AKAP6: variants seen among roughly 807,000 people sequenced by gnomAD.
The protein encoded by AKAP6 is A-kinase anchor protein 6.
In AKAP6, 58 loss-of-function variants were observed where a neutral mutation model predicts 188.5. That is an observed-to-expected ratio of 0.31 (90% CI 0.25 to 0.38). The LOEUF (loss-of-function observed/expected upper bound fraction) is 0.38, where lower values mean the gene tolerates loss of function less well. Ranked by LOEUF, AKAP6 falls within the 10% of genes least tolerant of loss-of-function variation. The pLI, the probability that AKAP6 is intolerant of heterozygous loss-of-function variation, is 1.00. For synonymous variants in AKAP6, 989 were observed against 998.6 expected (o/e 0.99, Z 0.18); for missense variants, 2,710 against 2,740.0 (o/e 0.99, Z 0.24).
At chr14:32,351,587 A>G (rs1887271600) in intron 1 of AKAP6, among the ~76,000 whole-genome samples, 1 of 151,610 alleles carries the variant, frequency 6.6e-6, no homozygotes, top group African/African-American at 2.4e-5. Context: ...CAAAAACATT[A>G]TTACCTGCTG....
chr14:32,588,894 C>A (rs543195450), intron 5 of AKAP6, among the ~76,000 whole-genome samples: 2 of 152,236 alleles, frequency 1.3e-5, no homozygotes, highest in East Asian at 3.9e-4. Flanking sequence ...ATAAGAAAAA[C>A]CAATATACTT....
intron 2 of AKAP6, among the ~76,000 whole-genome samples, chr14:32,446,665 AT>A (rs566425868): frequency 1.3e-5 from 2 of 151,544 alleles, no homozygotes; most frequent in African/African-American, 2.4e-5. Flanking sequence ...ACAAGCAACT[AT>A]TTTTTTTGTC....
rs1453148532 is a variant in AKAP6, at chr14:32,546,822, T to G, written c.2169T>G (p.Asp723Glu). 1 of 1,614,088 alleles carries G rather than the reference T, an allele frequency of 6.2e-7. No homozygotes were observed. Among genetic ancestry groups the G allele is most frequent in the South Asian group, 1.1e-5 (1 of 91,078 alleles). Residue 723 changes from aspartate (D) to glutamate (E), a missense_variant, in exon 4 of 14, where the codon GAT becomes GAG. Asp to Glu is a conservative substitution (Grantham distance 45). This residue lies in a region of AKAP6 where 2,473 missense variants were observed against 2,426.1 expected (regional missense o/e 1.02). Coordinates refer to ENST00000280979, the MANE Select transcript of AKAP6 (RefSeq NM_004274.5). ...GGCCCCTGAGTGACATTCTTTCTGA[T>G]GAGGAGTCCAGTATGCCTCTCGCTG... Reference protein sequence around the residue: ...ESGPLSDILSDEESSMPLAGM... With the variant: ...ESGPLSDILSEEESSMPLAGM...
chr14:32,677,745 A>G (rs184580403), intron 7 of AKAP6, among the ~76,000 whole-genome samples: 115 of 152,360 alleles, frequency 7.5e-4, no homozygotes, highest in African/African-American at 2.4e-3. Context: ...GAAAGATGTA[A>G]CAATTCAAAC....
At chr14:32,556,887 G>A (rs984232223) in intron 4 of AKAP6, among the ~76,000 whole-genome samples, 6 of 151,200 alleles carry the variant, frequency 4.0e-5, no homozygotes, top group Non-Finnish European at 7.4e-5. Context: ...ATCATTTTGG[G>A]TCTTATGTTT....
rs1376341337 is a variant in AKAP6, at chr14:32,547,938, C to CTA, written c.2346+940_2346+941insAT. On this transcript the variant is annotated intron_variant, in intron 4 of 13. Coordinates refer to ENST00000280979, the MANE Select transcript of AKAP6 (RefSeq NM_004274.5). ...TGGGCAAAGAGATTCACTATGATTACTGTGGTAATGGCCGTTTCCTCAGGA... is the reference window on the plus strand; with the variant it reads ...TGGGCAAAGAGATTCACTATGATTACTATGTGGTAATGGCCGTTTCCTCAGGA... 2.0e-5 allele frequency among the ~76,000 whole-genome samples: 3 copies of CTA among 152,080 alleles called. No individual in the cohort carries two copies. The East Asian group carries it at 5.8e-4, about 29-fold the overall frequency.
Position 32,641,141 on chromosome 14 carries a change from T to C in AKAP6, c.2731-37170T>C, listed in dbSNP as rs112014113. 5.1e-3 allele frequency among the ~76,000 whole-genome samples: 775 copies of C among 152,214 alleles called. 12 individuals carry two copies. The highest frequency in any genetic ancestry group is 0.017 in the African/African-American group (721 of 41,542). ...TTTTTCACTGAAAATGTTTTGGGAC[T>C]GATAAAAACATGCCCATTCTCCATC... On this transcript the variant is annotated intron_variant, in intron 7 of 13. Coordinates refer to ENST00000280979, the MANE Select transcript of AKAP6 (RefSeq NM_004274.5).
At chr14:32,536,421 G>T (rs533137880) in intron 3 of AKAP6, among the ~76,000 whole-genome samples, 1 of 152,342 alleles carries the variant, frequency 6.6e-6, no homozygotes, top group South Asian at 2.1e-4. Context: ...CCAGAGAGCT[G>T]CCAGTAGCAC....
intron 9 of AKAP6, among the ~76,000 whole-genome samples, chr14:32,730,449 T>C (rs756832781): frequency 4.9e-4 from 75 of 152,188 alleles, no homozygotes; most frequent in Non-Finnish European, 8.5e-4. Context: ...ATTAAATTAA[T>C]TGCTTTTTAT....
rs117736455 is a variant in AKAP6 at position 32,457,454 on chromosome 14, A to G, written c.324+23637A>G. On this transcript the variant is annotated intron_variant, in intron 2 of 13. Coordinates refer to ENST00000280979, the MANE Select transcript of AKAP6 (RefSeq NM_004274.5). ...CCTTGGGTAACTGAGAGTTCTTAAT[A>G]TAACAAATATGGTGAGAGTATTCCC... Among the ~76,000 whole-genome samples, 575 of 152,292 alleles carry G rather than the reference A, an allele frequency of 3.8e-3. 3 individuals are homozygous for G. Among genetic ancestry groups the G allele is most frequent in the Non-Finnish European group, 5.9e-3 (399 of 68,024 alleles).
intron 6 of AKAP6, 69 bp downstream of exon 6, chr14:32,599,575 A>G: frequency 8.5e-7 from 1 of 1,181,350 alleles, no homozygotes; most frequent in Non-Finnish European, 1.2e-6. Context: ...GCATTGCTGT[A>G]AATTACTGCA....
chr14:32,630,274 A>G (rs546318620), intron 7 of AKAP6, among the ~76,000 whole-genome samples: 3 of 152,274 alleles, frequency 2.0e-5, no homozygotes, highest in African/African-American at 7.2e-5. Flanking sequence ...GGAATTAGAA[A>G]TAAAGTCCCA....
At chr14:32,806,552 C>T (rs936946309) in intron 12 of AKAP6, among the ~76,000 whole-genome samples, 1 of 152,130 alleles carries the variant, frequency 6.6e-6, no homozygotes, top group African/African-American at 2.4e-5. Flanking sequence ...TGGTGTGTGT[C>T]TGTGGTCCCA....
chr14:32,558,079 G>A (rs1223831825), intron 4 of AKAP6, among the ~76,000 whole-genome samples: 2 of 152,078 alleles, frequency 1.3e-5, no homozygotes, highest in African/African-American at 4.8e-5. Context: ...AAGAAAACTA[G>A]GATTTAGTTA....
chr14:32,518,208 G>T (rs557618122), intron 2 of AKAP6, among the ~76,000 whole-genome samples: 2 of 152,258 alleles, frequency 1.3e-5, no homozygotes, highest in East Asian at 3.9e-4. Context: ...CATCATCAAA[G>T]ACCAAAGGTA....
chr14:32,424,432 A>G (rs1889960603), intron 1 of AKAP6, among the ~76,000 whole-genome samples: 1 of 147,962 alleles, frequency 6.8e-6, no homozygotes, highest in South Asian at 2.2e-4. Context: ...GAATTCCTTC[A>G]CCTCCCTTCC....
chr14:32,802,764 T>C (rs2033984193), intron 12 of AKAP6, among the ~76,000 whole-genome samples: 1 of 152,198 alleles, frequency 6.6e-6, no homozygotes, highest in Non-Finnish European at 1.5e-5. Flanking sequence ...AGTAAGCCTT[T>C]AAGAGTATTT....
chr14:32,542,653 A>T (rs1883011140), intron 3 of AKAP6, among the ~76,000 whole-genome samples: 1 of 152,216 alleles, frequency 6.6e-6, no homozygotes, highest in African/African-American at 2.4e-5. Flanking sequence ...GGCAAGCAGC[A>T]TGTGCCAAGG....
At chr14:32,681,058 T>A (rs1275161459) in intron 8 of AKAP6, among the ~76,000 whole-genome samples, 1 of 152,208 alleles carries the variant, frequency 6.6e-6, no homozygotes, top group African/African-American at 2.4e-5. Context: ...TGCTTTTCAA[T>A]TTAGGTGAAA....
Sources: allele counts gnomAD v4.1 joint callset (sites outside exome capture counted in the v4.1 genomes callset), GRCh38; gene constraint gnomAD v4.1.1; regional missense constraint gnomAD v4.1.1; transcripts MANE v1.5; gene names NCBI Gene and HGNC (gene_info 2026-07-23, HGNC 2026-07-21).